GREB1: variants seen among roughly 807,000 people sequenced by gnomAD.
The protein encoded by GREB1 is growth regulating estrogen receptor binding 1.
A neutral mutation model predicts 200.7 loss-of-function variants in GREB1; 106 were observed. The ratio of observed to expected loss-of-function variants is 0.53; its 90% confidence interval spans 0.45 to 0.62. GREB1 has a LOEUF of 0.62. Ranked by LOEUF, GREB1 falls within the 20% of genes least tolerant of loss-of-function variation. The pLI is 0.00. For missense variants in GREB1, 2,243 were observed against 2,556.8 expected, an observed-to-expected ratio of 0.88 and a Z score of 2.65; for synonymous variants, 1,132 against 1,092.4, an observed-to-expected ratio of 1.04 and a Z score of -0.72.
At chr2:11,528,469 C>T (rs79986701) in intron 1 of GREB1, among the ~76,000 whole-genome samples, 9,072 of 152,136 alleles carry the variant, frequency 0.06, 332 homozygotes, top group East Asian at 0.14. Flanking sequence ...TTTGAGTCCC[C>T]TTTGAGTTGT....
At chr2:11,501,905 G>GTTT (rs1204074491) in intron 1 of GREB1, among the ~76,000 whole-genome samples, 4 of 61,550 alleles carry the variant, frequency 6.5e-5, no homozygotes, top group African/African-American at 2.9e-4. Flanking sequence ...GTTTTTTTTT[G>GTTT]TTTTTTTTTT....
At chr2:11,612,373 T>G (rs775365882) in intron 18 of GREB1, 122 bp from the exon 19 acceptor site, 9 of 1,421,144 alleles carry the variant, frequency 6.3e-6, no homozygotes, top group Non-Finnish European at 7.4e-6. Flanking sequence ...GAAATTTCCT[T>G]TTGGTCAGAA....
chr2:11,524,945 G>A (rs1281456917), intron 1 of GREB1, among the ~76,000 whole-genome samples: 2 of 152,172 alleles, frequency 1.3e-5, no homozygotes, highest in Non-Finnish European at 2.9e-5. Flanking sequence ...CTGGTAAAGC[G>A]GCCGTGTTCT....
chr2:11,555,454 T>C (rs1303117763), intron 1 of GREB1, among the ~76,000 whole-genome samples: 1 of 152,246 alleles, frequency 6.6e-6, no homozygotes, highest in Non-Finnish European at 1.5e-5. Context: ...ATGTGTATTA[T>C]AGTATGATTA....
chr2:11,637,605 C>G, intron 30 of GREB1, 111 bp from the exon 31 acceptor site: 1 of 796,896 alleles, frequency 1.3e-6, no homozygotes, highest in Non-Finnish European at 2.1e-6. Context: ...TCAGTTCATT[C>G]CCCTGAGTGA....
rs534466129 is a variant in GREB1, at chr2:11,601,833, C to T, written c.2530-573C>T. Among the ~76,000 whole-genome samples the T allele has an allele frequency of 9.2e-5, 14 of 152,336 alleles. 1 individual carries two copies. In the South Asian group the frequency reaches 2.1e-3, roughly 23 times the overall value. ...CCAACAAGAGTTGGGCCACTTGGCT[C>T]AGGCCAGGCAGCTAGAAAGTCGTGG... On this transcript the variant is annotated intron_variant, in intron 16 of 32. Transcript: ENST00000381486.
At chr2:11,611,343 C>T (rs1040686788) in intron 18 of GREB1, among the ~76,000 whole-genome samples, 7 of 152,164 alleles carry the variant, frequency 4.6e-5, no homozygotes, top group Admixed American at 3.9e-4. Context: ...GACAGGGTCT[C>T]ACTCTGTGGC....
rs370234359 is a variant in GREB1 at position 11,553,009 on chromosome 2, C to CAAAAAAA, written c.-161-3434_-161-3428dup. 9.9e-5 allele frequency among the ~76,000 whole-genome samples: 8 copies of CAAAAAAA among 80,920 alleles called. 1 individual carries two copies. Among genetic ancestry groups the CAAAAAAA allele is most frequent in the African/African-American group, 2.3e-4 (6 of 25,900 alleles). The allele number at this position is 80,920 out of a possible 152,430, so 53.1% of individuals were successfully genotyped here. The stretch of plus-strand genomic sequence containing the variant: ...TGGGCGACAGAGCGAAACTCCGTCT[C>CAAAAAAA]AAAAAAAAAAAAAAAAAGAGCCGCA... On this transcript the variant is annotated intron_variant, in intron 1 of 32. Coordinates refer to ENST00000381486, the MANE Select transcript of GREB1 (RefSeq NM_014668.4).
intron 1 of GREB1, among the ~76,000 whole-genome samples, chr2:11,501,294 G>C (rs1193385276): frequency 6.6e-6 from 1 of 152,204 alleles, no homozygotes; most frequent in Non-Finnish European, 1.5e-5. Flanking sequence ...GAGGCAGAAG[G>C]GTGGGCCTGA....
chr2:11,560,304 T>C (rs1676876629), intron 2 of GREB1, among the ~76,000 whole-genome samples: 1 of 152,224 alleles, frequency 6.6e-6, no homozygotes, highest in South Asian at 2.1e-4. Context: ...ATCATTAACC[T>C]AGGTTGCTTA....
At chr2:11,495,107 T>C (rs1185289773) in intron 1 of GREB1, among the ~76,000 whole-genome samples, 1 of 152,200 alleles carries the variant, frequency 6.6e-6, no homozygotes, top group Non-Finnish European at 1.5e-5. Flanking sequence ...ATCAGGCCTG[T>C]TACATCGTCT....
At chr2:11,496,588 C>T (rs1439051553) in intron 1 of GREB1, among the ~76,000 whole-genome samples, 2 of 145,900 alleles carry the variant, frequency 1.4e-5, no homozygotes, top group Admixed American at 7.0e-5. Flanking sequence ...TCTCAGGTCA[C>T]ACAGCGTTAT....
intron 30 of GREB1, among the ~76,000 whole-genome samples, chr2:11,637,023 C>CAGGG (rs1372142790): frequency 1.1e-5 from 1 of 87,330 alleles, no homozygotes; most frequent in Non-Finnish European, 2.6e-5. Context: ...GGGACAGAGG[C>CAGGG]AGGGGCATGG....
chr2:11,538,942 C>CTGT (rs1481991369), intron 1 of GREB1, among the ~76,000 whole-genome samples: 1 of 20,782 alleles, frequency 4.8e-5, no homozygotes, highest in African/African-American at 9.7e-5. Context: ...CCCTCCCCTC[C>CTGT]CCTCGTGTCC....
intron 1 of GREB1, among the ~76,000 whole-genome samples, chr2:11,521,448 G>T (rs1673701502): frequency 6.6e-6 from 1 of 152,050 alleles, no homozygotes; most frequent in African/African-American, 2.4e-5. Flanking sequence ...TGATATTCAA[G>T]GATATTAAAA....
At position 11,536,591 on chromosome 2, in the gene GREB1, A is replaced by G. The variant is rs185485415; in HGVS notation, c.-162+2337A>G. 2.6e-5 allele frequency among the ~76,000 whole-genome samples: 4 copies of G among 152,338 alleles called. No individual in the cohort carries two copies. In the East Asian group the frequency reaches 7.7e-4, roughly 29 times the overall value. Reference sequence around the variant, plus strand: ...TGGAGAGGATTTGGCCAGGGGTAGAAGAGCATTATGTATAGAATAGAACAA... The same window carrying G: ...TGGAGAGGATTTGGCCAGGGGTAGAGGAGCATTATGTATAGAATAGAACAA... On this transcript the variant is annotated intron_variant, in intron 1 of 32. Transcript: ENST00000381486.
chr2:11,553,891 A>G (rs992463711), intron 1 of GREB1, among the ~76,000 whole-genome samples: 1 of 152,138 alleles, frequency 6.6e-6, no homozygotes, highest in African/African-American at 2.4e-5. Context: ...GTCAGAGGAC[A>G]TGATTCTTCA....
intron 1 of GREB1, among the ~76,000 whole-genome samples, chr2:11,555,101 T>C (rs999007322): frequency 1.3e-5 from 2 of 152,214 alleles, no homozygotes; most frequent in African/African-American, 4.8e-5. Flanking sequence ...ATGTCTTCGT[T>C]GTTAATGAAG....
Position 11,625,181 on chromosome 2 carries a change from A to G in GREB1, c.4175A>G (p.Tyr1392Cys). 6.2e-7 allele frequency: 1 copy of G among 1,614,018 alleles called. No homozygotes were observed. Among genetic ancestry groups the G allele is most frequent in the Non-Finnish European group, 8.5e-7 (1 of 1,179,866 alleles). The stretch of plus-strand genomic sequence containing the variant: ...CTCAGAGAAGAATCTGACTGGCATT[A>G]TCTCCAGCTTAGCGACCCCTGGCCA... ...INLREESDWH[Y>C]LQLSDPWPDL... Residue 1392 changes from tyrosine (Y) to cysteine (C), a missense_variant, in exon 24 of 33, where the codon TAT (tyrosine) becomes TGT (cysteine). By Grantham distance (194) the Tyr-to-Cys change is radical. This residue lies in a region of GREB1 where 587 missense variants were observed against 553.1 expected (regional missense o/e 1.06). Coordinates refer to ENST00000381486, the MANE Select transcript of GREB1 (RefSeq NM_014668.4).
Sources: allele counts gnomAD v4.1 joint callset (sites outside exome capture counted in the v4.1 genomes callset), GRCh38; gene constraint gnomAD v4.1.1; regional missense constraint gnomAD v4.1.1; transcripts MANE v1.5; gene names NCBI Gene and HGNC (gene_info 2026-07-23, HGNC 2026-07-21).